The following SEC63 variants were observed in gnomAD, a reference collection of about 807,000 sequenced individuals.
The protein encoded by SEC63 is SEC63 protein translocation regulator.
Under a neutral mutation model 116.2 loss-of-function variants are expected in SEC63, and 56 were observed. The observed-to-expected ratio is 0.48, with a 90% confidence interval of 0.39 to 0.60. SEC63 has a LOEUF of 0.60. SEC63 is among the 20% of genes least tolerant of loss of function. The probability of loss-of-function intolerance (pLI) is 0.00; values close to 1 mark genes in which losing one functional copy is unlikely to be tolerated. For missense variants in SEC63, 668 were observed against 900.0 expected (o/e 0.74, Z 3.30); for synonymous variants, 273 against 294.6 (o/e 0.93, Z 0.75).
intron 1 of SEC63, 133 bp downstream of exon 1, chr6:107,957,753 G>A (rs981427633): frequency 7.2e-6 from 7 of 971,874 alleles, no homozygotes; most frequent in Middle Eastern, 3.7e-4. Context: ...GGCGGACGCT[G>A]GACACAGGCC....
intron 6 of SEC63, among the ~76,000 whole-genome samples, chr6:107,911,998 A>G (rs1787294008): frequency 6.6e-6 from 1 of 152,224 alleles, no homozygotes; most frequent in African/African-American, 2.4e-5. Flanking sequence ...TACTAACCAG[A>G]AGCATGACAA....
chr6:107,895,906 T>C (rs1786802649), intron 14 of SEC63, among the ~76,000 whole-genome samples: 1 of 150,068 alleles, frequency 6.7e-6, no homozygotes, highest in African/African-American at 2.5e-5. Flanking sequence ...GGCTCATGCC[T>C]GTAATCCCAG....
At chr6:107,946,167 C>T (rs1046486915) in intron 1 of SEC63, among the ~76,000 whole-genome samples, 3 of 151,980 alleles carry the variant, frequency 2.0e-5, no homozygotes, top group East Asian at 1.9e-4. Flanking sequence ...GAACTCCCGA[C>T]CTCATGATCC....
Position 107,897,660 on chromosome 6 carries a change from G to T in SEC63, c.1429C>A (p.Gln477Lys). 6.3e-7 allele frequency: 1 copy of T among 1,597,938 alleles called. No homozygotes were observed. Residue 477 changes from glutamine (Q) to lysine (K), a missense_variant, in exon 14 of 21, where the codon CAA becomes AAA. Gln to Lys is a moderately conservative substitution (Grantham distance 53). Coordinates refer to ENST00000369002, the MANE Select transcript of SEC63 (RefSeq NM_007214.5). ...GATAGACTACTTACAGCCATTGTTT[G>T]CCTTGTCAACTTAACCAACACTGTA... ...LVTVLVKLTRQTMAEVFEKEQ... is the reference protein window; with the variant it reads ...LVTVLVKLTRKTMAEVFEKEQ...
At chr6:107,903,125 T>C (rs1787047328) in intron 11 of SEC63, 127 bp from the exon 12 acceptor site, 1 of 969,874 alleles carries the variant, frequency 1.0e-6, no homozygotes, top group Non-Finnish European at 1.6e-6. Context: ...CATAGTAAGA[T>C]TTTCCTTTAA....
At chr6:107,955,956 G>A (rs758991149) in intron 1 of SEC63, 11 of 406,168 alleles carry the variant, frequency 2.7e-5, no homozygotes, top group Admixed American at 1.3e-4. Context: ...TTTATAATAC[G>A]AAACTCACCA....
intron 1 of SEC63, among the ~76,000 whole-genome samples, chr6:107,939,571 G>A (rs1201326592): frequency 6.6e-6 from 1 of 152,050 alleles, no homozygotes; most frequent in Non-Finnish European, 1.5e-5. Context: ...GGCCAACATG[G>A]CAAAACCCCA....
At chr6:107,918,338 T>G (rs1787463565) in intron 4 of SEC63, among the ~76,000 whole-genome samples, 1 of 152,114 alleles carries the variant, frequency 6.6e-6, no homozygotes, top group Non-Finnish European at 1.5e-5. Context: ...ACAAACAGAT[T>G]AATGTTTTCA....
intron 18 of SEC63, among the ~76,000 whole-genome samples, chr6:107,879,466 C>T (rs1786359087): frequency 1.3e-5 from 2 of 152,226 alleles, no homozygotes; most frequent in African/African-American, 4.8e-5. Context: ...GGTGGGATTA[C>T]AGGCATGTGA....
At chr6:107,905,263 C>T (rs1787125059) in intron 10 of SEC63, among the ~76,000 whole-genome samples, 2 of 152,128 alleles carry the variant, frequency 1.3e-5, no homozygotes, top group African/African-American at 4.8e-5. Flanking sequence ...TGTATCTGTA[C>T]AGAACATTAG....
chr6:107,952,505 C>G (rs1347508634), intron 1 of SEC63, among the ~76,000 whole-genome samples: 1 of 152,160 alleles, frequency 6.6e-6, no homozygotes, highest in Non-Finnish European at 1.5e-5. Context: ...CAGCTGTAAT[C>G]CCAGCACTTT....
At chr6:107,895,315 C>G (rs1264100153) in intron 14 of SEC63, among the ~76,000 whole-genome samples, 1 of 152,178 alleles carries the variant, frequency 6.6e-6, no homozygotes, top group Non-Finnish European at 1.5e-5. Flanking sequence ...TTCCTCTTCT[C>G]CCAGGAGGCA....
chr6:107,942,458 CTTTA>C (rs920962421), intron 1 of SEC63, among the ~76,000 whole-genome samples: 3 of 152,120 alleles, frequency 2.0e-5, no homozygotes, highest in Non-Finnish European at 4.4e-5. Context: ...TGATGAACTC[CTTTA>C]TTTAACAAAT....
intron 8 of SEC63, among the ~76,000 whole-genome samples, chr6:107,907,307 G>A (rs970253013): frequency 2.6e-5 from 4 of 152,112 alleles, no homozygotes; most frequent in African/African-American, 7.2e-5. Context: ...GGTGGCTCAC[G>A]CCTGTAATCC....
intron 1 of SEC63, among the ~76,000 whole-genome samples, chr6:107,933,855 C>T (rs1430069810): frequency 6.6e-6 from 1 of 152,222 alleles, no homozygotes; most frequent in Admixed American, 6.5e-5. Context: ...CGAGTGCCTG[C>T]GATTGCAGGC....
intron 4 of SEC63, 23 bp downstream of exon 4, chr6:107,921,774 T>C (rs748971968): frequency 2.1e-6 from 3 of 1,453,986 alleles, no homozygotes; most frequent in East Asian, 2.3e-5. Context: ...TCTTAAAAAT[T>C]TGTAATGGAT....
intron 18 of SEC63, chr6:107,880,937 A>G: frequency 2.0e-6 from 1 of 499,340 alleles, no homozygotes; most frequent in East Asian, 3.5e-5. Flanking sequence ...CCACAGAAAT[A>G]CTTAAGAAGC....
chr6:107,921,073 CGAAA>C (rs1787545154), intron 4 of SEC63, among the ~76,000 whole-genome samples: 1 of 151,442 alleles, frequency 6.6e-6, no homozygotes, highest in African/African-American at 2.4e-5. Context: ...TCTTGTGTGA[CGAAA>C]TTCTAAAAAG....
intron 8 of SEC63, among the ~76,000 whole-genome samples, chr6:107,908,377 T>C (rs1233200331): frequency 6.6e-6 from 1 of 152,158 alleles, no homozygotes; most frequent in Non-Finnish European, 1.5e-5. Flanking sequence ...GGGAATGAAA[T>C]ACTCTAGCAC....
Sources: gnomAD v4.1 joint callset for allele counts (sites outside exome capture counted in the v4.1 genomes callset) on GRCh38, gnomAD v4.1.1 for gene constraint, MANE v1.5 for transcripts, NCBI Gene and HGNC (gene_info 2026-07-23, HGNC 2026-07-21) for gene names.